ATP2B1: variants seen among roughly 807,000 people sequenced by gnomAD.
ATP2B1 encodes ATPase plasma membrane Ca2+ transporting 1.
ATP2B1 carries 14 observed loss-of-function variants against 124.2 expected under a neutral mutation model. The observed-to-expected ratio is 0.11, with a 90% CI of 0.07 to 0.18. ATP2B1 has a LOEUF of 0.18. Among genes scored for constraint, ATP2B1 ranks in the 10% least tolerant of loss-of-function variants. ATP2B1 has a pLI of 1.00. For missense variants in ATP2B1, 763 were observed against 1,466.1 expected, an observed-to-expected ratio of 0.52 and a Z score of 7.83; for synonymous variants, 449 against 492.4, an observed-to-expected ratio of 0.91 and a Z score of 1.17.
intron 20 of ATP2B1, among the ~76,000 whole-genome samples, chr12:89,592,617 A>C (rs1282708151): frequency 6.6e-6 from 1 of 152,062 alleles, no homozygotes; most frequent in Non-Finnish European, 1.5e-5. Context: ...GAAATACAAA[A>C]GCAAAATGTC....
At chr12:89,653,803 A>G (rs1412491125) in intron 2 of ATP2B1, among the ~76,000 whole-genome samples, 2 of 152,250 alleles carry the variant, frequency 1.3e-5, no homozygotes, top group Non-Finnish European at 2.9e-5. Context: ...ACTGTAGTGC[A>G]AACTCATGAG....
At chr12:89,656,197 A>G (rs1885932636) in intron 1 of ATP2B1, 90 bp from the exon 2 acceptor site, 1 of 398,594 alleles carries the variant, frequency 2.5e-6, no homozygotes. Flanking sequence ...CCAGGTAGCT[A>G]AAGTAGATAA....
At chr12:89,625,546 C>G (rs1438710287) in intron 8 of ATP2B1, among the ~76,000 whole-genome samples, 2 of 140,546 alleles carry the variant, frequency 1.4e-5, no homozygotes, top group African/African-American at 5.4e-5. Flanking sequence ...GATCATGCCA[C>G]TGTATTCCAG....
At chr12:89,614,923 G>C (rs575163469) in intron 12 of ATP2B1, among the ~76,000 whole-genome samples, 1 of 152,024 alleles carries the variant, frequency 6.6e-6, no homozygotes, top group South Asian at 2.1e-4. Context: ...TAGCTTCCCT[G>C]CTTCTACTCT....
chr12:89,695,653 A>C (rs1029563497), intron 1 of ATP2B1, among the ~76,000 whole-genome samples: 8 of 152,032 alleles, frequency 5.3e-5, no homozygotes, highest in African/African-American at 1.7e-4. Context: ...TTAAAAAAAA[A>C]GATAGATACA....
At chr12:89,675,153 G>T (rs1283362983) in intron 1 of ATP2B1, among the ~76,000 whole-genome samples, 3 of 152,080 alleles carry the variant, frequency 2.0e-5, no homozygotes, top group Non-Finnish European at 2.9e-5. Flanking sequence ...ATTTAATAAA[G>T]CCCATTATGT....
intron 3 of ATP2B1, among the ~76,000 whole-genome samples, chr12:89,639,665 C>G (rs1460061714): frequency 6.6e-6 from 1 of 151,796 alleles, no homozygotes; most frequent in Non-Finnish European, 1.5e-5. Flanking sequence ...TTAAGAACTT[C>G]TAGTGAACTC....
At chr12:89,691,183 A>T (rs781032006) in intron 1 of ATP2B1, among the ~76,000 whole-genome samples, 20 of 152,158 alleles carry the variant, frequency 1.3e-4, no homozygotes, top group Non-Finnish European at 2.4e-4. Context: ...CTACAGGGAA[A>T]AAAAAATCAT....
Position 89,656,026 on chromosome 12 carries a change from T to G in ATP2B1, c.-140A>C. The G allele has an allele frequency of 3.6e-6, 3 of 843,164 alleles. No individual in the cohort carries two copies. Among genetic ancestry groups the G allele is most frequent in the Non-Finnish European group, 3.5e-6 (2 of 567,266 alleles). 52.2% of individuals were successfully genotyped at this position (843,164 alleles called of 1,614,324 possible). A position where few individuals can be genotyped will look rare whatever the true frequency, so the allele number is the denominator to read the frequency against. On this transcript the variant is annotated 5_prime_UTR_variant, in exon 2 of 21. It removes an upstream start codon present in the reference 5' UTR. Transcript: ENST00000428670. ...CATTGTATGACTTTGTAAAGCAGCA[T>G]CAGCAGCAACATTTCCCAGAGAAGT...
intron 12 of ATP2B1, chr12:89,612,016 C>T (rs556513697): frequency 6.6e-6 from 1 of 152,216 alleles, no homozygotes; most frequent in East Asian, 1.9e-4. Flanking sequence ...CTCTCTTATC[C>T]TACATCCTTA....
chr12:89,594,708 T>C (rs1299936515), intron 20 of ATP2B1: 1 of 151,526 alleles, frequency 6.6e-6, no homozygotes, highest in Non-Finnish European at 1.5e-5. Flanking sequence ...GTAAACAATA[T>C]ATGAAATATA....
At chr12:89,659,931 C>CAAAAAAAAAAAAAAAAAAA (rs545497005) in intron 1 of ATP2B1, among the ~76,000 whole-genome samples, 5 of 127,872 alleles carry the variant, frequency 3.9e-5, no homozygotes, top group African/African-American at 1.2e-4. Context: ...AAAAAAAAAA[C>CAAAAAAAAAAAAAAAAAAA]AAAAAAAAAC....
chr12:89,687,361 G>T (rs1481134222), intron 1 of ATP2B1, among the ~76,000 whole-genome samples: 2 of 152,100 alleles, frequency 1.3e-5, no homozygotes, highest in East Asian at 3.8e-4. Context: ...CATAGCTTAG[G>T]GGCTGCAGTA....
At chr12:89,611,604 T>C in intron 12 of ATP2B1, 1 of 373,790 alleles carries the variant, frequency 2.7e-6, no homozygotes, top group African/African-American at 2.1e-5. Flanking sequence ...TCAGTTGTCA[T>C]CTACTAATTT....
At chr12:89,658,600 A>G (rs1309980488) in intron 1 of ATP2B1, among the ~76,000 whole-genome samples, 6 of 68,910 alleles carry the variant, frequency 8.7e-5, no homozygotes, top group South Asian at 4.3e-4. Flanking sequence ...TTCAAACAGG[A>G]GAGAGAGAGA....
At chr12:89,695,013 G>C (rs10858917) in intron 1 of ATP2B1, among the ~76,000 whole-genome samples, 1 of 147,812 alleles carries the variant, frequency 6.8e-6, no homozygotes, top group East Asian at 2.0e-4. Context: ...AGCCATGATC[G>C]TGCCATTGCA....
chr12:89,681,931 C>T (rs941435836), intron 1 of ATP2B1, among the ~76,000 whole-genome samples: 6 of 151,902 alleles, frequency 3.9e-5, no homozygotes, highest in Non-Finnish European at 8.8e-5. Context: ...CAAAAGAAAA[C>T]AACTAGAAAC....
chr12:89,700,753 T>C (rs529070403), intron 1 of ATP2B1, among the ~76,000 whole-genome samples: 4 of 152,324 alleles, frequency 2.6e-5, no homozygotes, highest in South Asian at 2.1e-4. Flanking sequence ...ATGATTATTA[T>C]TGCAACGTCA....
intron 1 of ATP2B1, among the ~76,000 whole-genome samples, chr12:89,676,038 A>C (rs1888567045): frequency 6.6e-6 from 1 of 152,110 alleles, no homozygotes; most frequent in South Asian, 2.1e-4. Context: ...ATTATGTCTG[A>C]TATGTAAAAC....
Sources: gnomAD v4.1 joint callset for allele counts (sites outside exome capture counted in the v4.1 genomes callset) on GRCh38, gnomAD v4.1.1 for gene constraint, MANE v1.5 for transcripts, NCBI Gene and HGNC (gene_info 2026-07-23, HGNC 2026-07-21) for gene names.